The following LPP variants were observed in gnomAD, a reference collection of about 807,000 sequenced individuals.
LPP encodes the protein LIM domain containing preferred translocation partner in lipoma, also known as lipoma-preferred partner.
LPP carries 38 observed loss-of-function variants against 60.4 expected under a neutral mutation model. The ratio of observed to expected loss-of-function variants is 0.63; its 90% confidence interval spans 0.49 to 0.83. The LOEUF (loss-of-function observed/expected upper bound fraction) is 0.83. Ranked by LOEUF, LPP falls within the 40% of genes least tolerant of loss-of-function variation. The probability of loss-of-function intolerance (pLI) is 0.00; values close to 1 mark genes in which losing one functional copy is unlikely to be tolerated. For missense variants in LPP, 902 were observed against 783.6 expected (o/e 1.15, Z -1.80); for synonymous variants, 328 against 290.8 (o/e 1.13, Z -1.30).
In LPP at chr3:188,610,734, G is replaced by C. The variant is rs1384336414; in HGVS notation, c.1113+890G>C. Among the ~76,000 whole-genome samples the C allele has an allele frequency of 6.6e-6, 1 of 152,128 alleles. No homozygotes were observed. On this transcript the variant is annotated intron_variant, in intron 7 of 11. Coordinates refer to ENST00000617246, the MANE Select transcript of LPP (RefSeq NM_001375462.1). This position sits in a 1 kb window ranked among gnomAD's most constrained non-coding sequence, Gnocchi z 4.4. Reference sequence around the variant, plus strand: ...CAACTTGGATTTTTCATTAGTACTGGAACCAACACGATGTTGATTCCTCCC... The same window carrying C: ...CAACTTGGATTTTTCATTAGTACTGCAACCAACACGATGTTGATTCCTCCC...
intron 9 of LPP, among the ~76,000 whole-genome samples, chr3:188,861,414 T>C (rs1271181355): frequency 6.6e-6 from 1 of 152,226 alleles, no homozygotes; most frequent in Non-Finnish European, 1.5e-5. Flanking sequence ...TTTTATAAAA[T>C]GAAAATGTTG....
chr3:188,389,808 C>CAAAAAAAAAAA (rs56398215), intron 3 of LPP, among the ~76,000 whole-genome samples: 1 of 132,102 alleles, frequency 7.6e-6, no homozygotes, highest in African/African-American at 2.9e-5. Flanking sequence ...GACTCCGTCT[C>CAAAAAAAAAAA]AAAAAAAAAA....
chr3:188,549,490 T>C (rs1293288841), intron 6 of LPP, among the ~76,000 whole-genome samples: 1 of 152,232 alleles, frequency 6.6e-6, no homozygotes, highest in East Asian at 1.9e-4. Context: ...TTCAGTGACC[T>C]GTAAGTAGCG....
intron 7 of LPP, among the ~76,000 whole-genome samples, chr3:188,663,023 C>T (rs909718996): frequency 1.3e-5 from 2 of 152,206 alleles, no homozygotes; most frequent in Non-Finnish European, 2.9e-5. Context: ...GAATGGAATG[C>T]ATCTAATTGA....
intron 3 of LPP, among the ~76,000 whole-genome samples, chr3:188,382,737 G>T (rs568611393): frequency 7.9e-5 from 12 of 152,146 alleles, no homozygotes; most frequent in African/African-American, 2.9e-4. Context: ...CTTTTTTGTT[G>T]TTGTTGTTGT....
chr3:188,554,000 G>A (rs1044580175), intron 6 of LPP: 4 of 152,186 alleles, frequency 2.6e-5, no homozygotes, highest in African/African-American at 9.7e-5. Flanking sequence ...GGGATAAAAG[G>A]GGGTGCATTT....
rs112092504 is a variant in LPP, at chr3:188,881,635, A to G, written c.*7156A>G. On this transcript the variant is annotated 3_prime_UTR_variant, in exon 12 of 12. Coordinates refer to ENST00000617246, the MANE Select transcript of LPP (RefSeq NM_001375462.1). ...GTTCTGTTACTTTTTGTTCTGTACT[A>G]TTTTGGATGTTGCCAAAATCAAATT... 4.9e-5 allele frequency: 11 copies of G among 222,786 alleles called. No homozygotes were observed. The East Asian group carries it at 7.2e-4, about 15-fold the overall frequency. 13.8% of individuals were successfully genotyped at this position (222,786 alleles called of 1,614,324 possible).
chr3:188,769,681 G>A (rs1410284428), intron 9 of LPP, among the ~76,000 whole-genome samples: 1 of 152,176 alleles, frequency 6.6e-6, no homozygotes, highest in African/African-American at 2.4e-5. Flanking sequence ...AACGGCAGAG[G>A]TGGGACTAGA....
At chr3:188,661,683 T>A (rs1450248864) in intron 7 of LPP, among the ~76,000 whole-genome samples, 1 of 152,210 alleles carries the variant, frequency 6.6e-6, no homozygotes, top group African/African-American at 2.4e-5. Context: ...ATAATAATAG[T>A]CCTTTCTTAA....
intron 4 of LPP, among the ~76,000 whole-genome samples, chr3:188,410,746 A>AT (rs892523804): frequency 6.6e-6 from 1 of 151,810 alleles, no homozygotes; most frequent in Non-Finnish European, 1.5e-5. Context: ...CTTCTTAGAG[A>AT]TTTTTTTTAG....
At chr3:188,535,112 C>G (rs1000415922) in intron 6 of LPP, among the ~76,000 whole-genome samples, 1 of 150,196 alleles carries the variant, frequency 6.7e-6, no homozygotes, top group Non-Finnish European at 1.5e-5. Context: ...CAAATGCGGA[C>G]AGAACCATTT....
chr3:188,221,271 T>A (rs1365890281), intron 1 of LPP, among the ~76,000 whole-genome samples: 3 of 152,188 alleles, frequency 2.0e-5, no homozygotes, highest in Non-Finnish European at 4.4e-5. Flanking sequence ...TCAGGCATCG[T>A]TTAGAAGTCA....
chr3:188,878,943 A>G lies in LPP; in HGVS notation c.*4464A>G, dbSNP rs922423004. On this transcript the variant is annotated 3_prime_UTR_variant, in exon 12 of 12. Transcript: ENST00000617246. ...GTTAGTGTTTTTTATTTGATTTTAC[A>G]GTAGTTTTAGTCAGATAATGAGGAC... The G allele has an allele frequency of 4.0e-5, 9 of 226,266 alleles. No homozygotes were observed. The highest frequency in any genetic ancestry group is 2.0e-4 in the African/African-American group (9 of 45,002). The allele number at this position is 226,266 out of a possible 1,614,324, so 14.0% of individuals were successfully genotyped here. A position where few individuals can be genotyped will look rare whatever the true frequency, so the allele number is the denominator to read the frequency against.
chr3:188,767,862 C>T (rs1734646279), intron 9 of LPP, among the ~76,000 whole-genome samples: 1 of 151,962 alleles, frequency 6.6e-6, no homozygotes, highest in Non-Finnish European at 1.5e-5. Context: ...CTAGAACAGA[C>T]AAGAAAATCA....
chr3:188,624,838 TGAGAATAA>T, intron 7 of LPP, among the ~76,000 whole-genome samples: 1 of 127,954 alleles, frequency 7.8e-6, no homozygotes. Context: ...TTTGGTGTGC[TGAGAATAA>T]TCTGCAGACA....
chr3:188,356,749 T>A (rs1767724861), intron 3 of LPP, among the ~76,000 whole-genome samples: 1 of 152,228 alleles, frequency 6.6e-6, no homozygotes, highest in Admixed American at 6.5e-5. Context: ...AATTGAGACC[T>A]CATTTGTTTC....
chr3:188,689,524 T>A (rs750276493), intron 7 of LPP, among the ~76,000 whole-genome samples: 11 of 152,202 alleles, frequency 7.2e-5, no homozygotes, highest in Non-Finnish European at 8.8e-5. Flanking sequence ...TGAGATCAAC[T>A]TTTTTAGATT....
chr3:188,182,372 A>G lies in LPP; in HGVS notation c.-190+28120A>G, dbSNP rs1725269105. Among the ~76,000 whole-genome samples, 1 of 152,194 alleles carries G rather than the reference A, an allele frequency of 6.6e-6. No individual in the cohort carries two copies. On this transcript the variant is annotated intron_variant, in intron 1 of 11. Transcript: ENST00000617246. The surrounding 1 kb of genome is among the most constrained non-coding windows in gnomAD (Gnocchi z 4.4). ...AGAGCTCACCTCTGCTATATTCATCATGTACTTATTTATAGTCATCCCTAC... is the reference window on the plus strand; with the variant it reads ...AGAGCTCACCTCTGCTATATTCATCGTGTACTTATTTATAGTCATCCCTAC...
chr3:188,625,069 G>A (rs185487811), intron 7 of LPP, among the ~76,000 whole-genome samples: 79 of 151,916 alleles, frequency 5.2e-4, no homozygotes, highest in Non-Finnish European at 7.4e-5. Flanking sequence ...CAGATGTCTA[G>A]TTTTCTATTT....
Sources: allele counts gnomAD v4.1 joint callset (sites outside exome capture counted in the v4.1 genomes callset), GRCh38; gene constraint gnomAD v4.1.1; non-coding constraint Gnocchi (gnomAD v3.1); transcripts MANE v1.5; gene names NCBI Gene and HGNC (gene_info 2026-07-23, HGNC 2026-07-21).